Variants in LRP1B observed in about 807,000 individuals in gnomAD.
LRP1B encodes the protein LDL receptor related protein 1B, also known as low-density lipoprotein receptor-related protein 1B.
Under a neutral mutation model 556.6 loss-of-function variants are expected in LRP1B, and 217 were observed. The observed-to-expected ratio is 0.39, with a 90% CI of 0.35 to 0.44. LRP1B has a LOEUF of 0.44. Ranked by LOEUF, LRP1B falls within the 20% of genes least tolerant of loss-of-function variation. The pLI, the probability that LRP1B is intolerant of heterozygous loss-of-function variation, is 1.00. For missense variants in LRP1B, 5,053 were observed against 5,620.8 expected, an observed-to-expected ratio of 0.90 and a Z score of 3.23; for synonymous variants, 2,047 against 1,865.8, an observed-to-expected ratio of 1.10 and a Z score of -2.50.
chr2:141,677,574 C>A (rs539873085), intron 2 of LRP1B, among the ~76,000 whole-genome samples: 7 of 152,088 alleles, frequency 4.6e-5, no homozygotes, highest in Non-Finnish European at 1.0e-4. Context: ...ACCGCAAACT[C>A]CACCTCTTGG....
At chr2:140,251,801 A>G (rs577647207) in intron 86 of LRP1B, among the ~76,000 whole-genome samples, 4 of 151,908 alleles carry the variant, frequency 2.6e-5, no homozygotes, top group African/African-American at 9.6e-5. Context: ...ATAAAAGTAT[A>G]TGATTACAGG....
intron 2 of LRP1B, among the ~76,000 whole-genome samples, chr2:141,605,532 C>A (rs1687887581): frequency 6.6e-6 from 1 of 152,058 alleles, no homozygotes; most frequent in Non-Finnish European, 1.5e-5. Context: ...GGTAAAATCA[C>A]CTGGAACTCC....
intron 66 of LRP1B, among the ~76,000 whole-genome samples, chr2:140,398,969 C>A (rs753312600): frequency 2.6e-5 from 4 of 152,074 alleles, no homozygotes; most frequent in Non-Finnish European, 5.9e-5. Context: ...TCCTCCAAAT[C>A]ATTTTTCCAT....
intron 5 of LRP1B, among the ~76,000 whole-genome samples, chr2:141,242,568 A>G (rs1163899471): frequency 6.6e-6 from 1 of 151,972 alleles, no homozygotes; most frequent in East Asian, 1.9e-4. Context: ...TAAATCAATG[A>G]ACTGCAAATA....
At chr2:140,687,565 T>C (rs1441392701) in intron 41 of LRP1B, among the ~76,000 whole-genome samples, 1 of 151,848 alleles carries the variant, frequency 6.6e-6, no homozygotes, top group African/African-American at 2.4e-5. Context: ...GAGAAACTGA[T>C]ATCCACATGA....
chr2:141,097,466 A>G (rs918957682), intron 7 of LRP1B, among the ~76,000 whole-genome samples: 2 of 152,188 alleles, frequency 1.3e-5, no homozygotes, highest in Non-Finnish European at 2.9e-5. Flanking sequence ...AACAGGAAAA[A>G]CGGGAAGACA....
chr2:140,793,377 A>G (rs1033820382), intron 32 of LRP1B, among the ~76,000 whole-genome samples: 2 of 151,976 alleles, frequency 1.3e-5, no homozygotes, highest in Non-Finnish European at 2.9e-5. Flanking sequence ...AGCACACTAT[A>G]TATTATCGCA....
At chr2:141,084,005 C>G (rs564559663) in intron 7 of LRP1B, among the ~76,000 whole-genome samples, 1 of 152,122 alleles carries the variant, frequency 6.6e-6, no homozygotes, top group Non-Finnish European at 1.5e-5. Context: ...GTTACTTAAC[C>G]TTTCTGTGGT....
intron 6 of LRP1B, among the ~76,000 whole-genome samples, chr2:141,196,353 C>G (rs551134684): frequency 7.9e-5 from 12 of 152,126 alleles, no homozygotes; most frequent in Admixed American, 7.2e-4. Context: ...TTATATATAA[C>G]TTAACGACTT....
intron 1 of LRP1B, among the ~76,000 whole-genome samples, chr2:141,915,849 C>G (rs1574489491): frequency 6.6e-6 from 1 of 152,098 alleles, no homozygotes; most frequent in Non-Finnish European, 1.5e-5. Flanking sequence ...CACTAATTAT[C>G]AGAGAAATAC....
At chr2:141,863,017 C>T (rs1438099014) in intron 1 of LRP1B, among the ~76,000 whole-genome samples, 7 of 152,172 alleles carry the variant, frequency 4.6e-5, no homozygotes, top group Non-Finnish European at 7.3e-5. Flanking sequence ...ATTAAGCTGT[C>T]ATTCCTTGAA....
At chr2:141,372,179 T>C (rs1434177317) in intron 3 of LRP1B, among the ~76,000 whole-genome samples, 3 of 152,162 alleles carry the variant, frequency 2.0e-5, no homozygotes, top group Non-Finnish European at 4.4e-5. Context: ...ATGTGATGTA[T>C]CAAATTTATT....
chr2:140,607,795 C>A (rs558765044), intron 41 of LRP1B, among the ~76,000 whole-genome samples: 2 of 151,904 alleles, frequency 1.3e-5, no homozygotes, highest in Admixed American at 1.3e-4. Context: ...ATTTAAATAC[C>A]TGGCAATTTC....
intron 66 of LRP1B, among the ~76,000 whole-genome samples, chr2:140,393,109 T>A (rs1389640691): frequency 6.6e-6 from 1 of 151,490 alleles, no homozygotes; most frequent in African/African-American, 2.4e-5. Context: ...TTTTCTTTTA[T>A]TTTTTGTAGA....
intron 66 of LRP1B, among the ~76,000 whole-genome samples, chr2:140,393,510 G>C (rs142279757): frequency 6.9e-6 from 1 of 145,792 alleles, no homozygotes; most frequent in Non-Finnish European, 1.5e-5. Context: ...GAAGAGGACT[G>C]TAATTTGGGG....
chr2:142,126,444 T>C (rs1000047805), intron 1 of LRP1B, among the ~76,000 whole-genome samples: 8 of 151,706 alleles, frequency 5.3e-5, no homozygotes, highest in Non-Finnish European at 1.0e-4. Flanking sequence ...CAGAGAGAGA[T>C]TAAAAACGGG....
intron 18 of LRP1B, among the ~76,000 whole-genome samples, chr2:140,963,689 G>T (rs1042816880): frequency 3.3e-5 from 5 of 152,132 alleles, no homozygotes; most frequent in African/African-American, 9.7e-5. Flanking sequence ...GGGCATTGTG[G>T]CTCACACCTG....
intron 2 of LRP1B, among the ~76,000 whole-genome samples, chr2:141,761,682 G>A (rs1042529057): frequency 5.9e-5 from 9 of 152,110 alleles, no homozygotes; most frequent in African/African-American, 2.2e-4. Context: ...CTGACTGAAT[G>A]CATCACTTTA....
At chr2:141,474,384 C>T (rs1471342913) in intron 3 of LRP1B, among the ~76,000 whole-genome samples, 2 of 147,618 alleles carry the variant, frequency 1.4e-5, no homozygotes, top group Admixed American at 7.0e-5. Flanking sequence ...TTTGAGAATG[C>T]CTCTAAGTTC....
Sources: gnomAD v4.1 joint callset for allele counts (sites outside exome capture counted in the v4.1 genomes callset) on GRCh38, gnomAD v4.1.1 for gene constraint, MANE v1.5 for transcripts, NCBI Gene and HGNC (gene_info 2026-07-23, HGNC 2026-07-21) for gene names.